The following DOCK5 variants were observed in gnomAD, a reference collection of about 807,000 sequenced individuals.
DOCK5 encodes dedicator of cytokinesis protein 5.
In DOCK5, 142 loss-of-function variants were observed where a neutral mutation model predicts 251.8. The observed-to-expected ratio is 0.56, with a 90% CI of 0.49 to 0.65. The LOEUF (loss-of-function observed/expected upper bound fraction) is 0.65, where lower values mean the gene tolerates loss of function less well. Ranked by LOEUF, DOCK5 falls within the 30% of genes least tolerant of loss-of-function variation. The pLI is 0.00. For synonymous variants in DOCK5, 842 were observed against 835.5 expected, an observed-to-expected ratio of 1.01 and a Z score of -0.13; for missense variants, 2,111 against 2,312.3, an observed-to-expected ratio of 0.91 and a Z score of 1.79.
At chr8:25,385,785 C>T (rs953582827) in intron 40 of DOCK5, among the ~76,000 whole-genome samples, 2 of 152,028 alleles carry the variant, frequency 1.3e-5, no homozygotes, top group Non-Finnish European at 2.9e-5. Context: ...CAGTAAGTAT[C>T]ATGGAGAAAA....
chr8:25,321,323 G>A (rs1302519078), intron 16 of DOCK5, among the ~76,000 whole-genome samples: 1 of 152,218 alleles, frequency 6.6e-6, no homozygotes, highest in African/African-American at 2.4e-5. Context: ...TGGCACCAGA[G>A]ACTGGTTTTG....
Position 25,369,658 on chromosome 8 carries a change from C to T in DOCK5, c.3524+17C>T, listed in dbSNP as rs201941050. On this transcript the variant is annotated intron_variant, in intron 34 of 51. Coordinates refer to ENST00000276440, the MANE Select transcript of DOCK5 (RefSeq NM_024940.8). ...GGAAAAACTGTGAGTATTTCAGGAACGAAACCTGAAGTCAGTGGTGTCATT... is the reference window on the plus strand; with the variant it reads ...GGAAAAACTGTGAGTATTTCAGGAATGAAACCTGAAGTCAGTGGTGTCATT... The T allele has an allele frequency of 1.0e-3, 1,602 of 1,589,850 alleles. 1 individual carries two copies. The highest frequency in any genetic ancestry group is 1.2e-3 in the Non-Finnish European group (1,374 of 1,166,452).
rs1380061571 is a variant in DOCK5 at position 25,395,615 on chromosome 8, C to G, written c.4600C>G (p.Gln1534Glu). ...CAACGAGAGGATCAGCAACTGTGTT[C>G]AGCAGCATGCCTGGGACCGGTCCCT... Reference protein sequence around the residue: ...LTNERISNCVQQHAWDRSLSV... With the variant: ...LTNERISNCVEQHAWDRSLSV... Residue 1534 changes from glutamine to glutamate, a missense_variant, in exon 45 of 52, where the codon CAG (glutamine) becomes GAG (glutamate). Physicochemically the swap from Gln to Glu is conservative, Grantham distance 29. This residue lies in a region of DOCK5 where 1,717 missense variants were observed against 1,892.4 expected (regional missense o/e 0.91). Coordinates refer to ENST00000276440, the MANE Select transcript of DOCK5 (RefSeq NM_024940.8). 1 of 1,613,668 alleles carries G rather than the reference C, an allele frequency of 6.2e-7. No individual in the cohort carries two copies. The highest frequency in any genetic ancestry group is 1.3e-5 in the African/African-American group (1 of 74,964).
chr8:25,288,607 A>G (rs899238514), intron 5 of DOCK5, among the ~76,000 whole-genome samples: 35 of 152,208 alleles, frequency 2.3e-4, no homozygotes, highest in Admixed American at 1.8e-3. Context: ...TTACCATATT[A>G]TGAGAAGCAA....
intron 27 of DOCK5, among the ~76,000 whole-genome samples, chr8:25,352,127 C>T (rs1485237947): frequency 6.7e-6 from 1 of 150,248 alleles, no homozygotes; most frequent in Non-Finnish European, 1.5e-5. Context: ...GTGGGAGGAT[C>T]ACTTAAACGT....
At chr8:25,205,427 C>G (rs1271427682) in intron 1 of DOCK5, among the ~76,000 whole-genome samples, 1 of 152,204 alleles carries the variant, frequency 6.6e-6, no homozygotes, top group African/African-American at 2.4e-5. Flanking sequence ...AAACACATTT[C>G]TGTTATTTAA....
intron 1 of DOCK5, among the ~76,000 whole-genome samples, chr8:25,215,806 C>G (rs751557871): frequency 5.9e-5 from 9 of 151,646 alleles, no homozygotes; most frequent in Non-Finnish European, 1.2e-4. Flanking sequence ...AAAGTGATAG[C>G]TATTAACTTT....
At position 25,392,811 on chromosome 8, in the gene DOCK5, C is replaced by G; in HGVS notation, c.4456C>G (p.Arg1486Gly). ...DNEFATMWIE[R>G]TTYTTAYTFP... ...TTGCCACCAGACGATGTGGATTGAACGGACCACGTATACGACTGCATATAC... is the reference window on the plus strand; with the variant it reads ...TTGCCACCAGACGATGTGGATTGAAGGGACCACGTATACGACTGCATATAC... Residue 1486 changes from arginine (R) to glycine (G), a missense_variant, in exon 44 of 52, where the codon CGG becomes GGG. Arg to Gly is a moderately radical substitution (Grantham distance 125). Around this residue, in one of 3 missense-constraint regions of DOCK5, gnomAD observed 1,717 missense variants for 1,892.4 expected, o/e 0.91. Transcript: ENST00000276440. 1 of 1,612,828 alleles carries G rather than the reference C, an allele frequency of 6.2e-7. No homozygotes were observed. Among genetic ancestry groups the G allele is most frequent in the African/African-American group, 1.3e-5 (1 of 75,032 alleles).
intron 35 of DOCK5, among the ~76,000 whole-genome samples, chr8:25,372,979 G>A (rs1328106608): frequency 6.6e-6 from 1 of 150,812 alleles, no homozygotes. Context: ...GTGGTTTCTG[G>A]TTACATGGAT....
chr8:25,388,053 C>G (rs1211668254), intron 40 of DOCK5, among the ~76,000 whole-genome samples: 1 of 152,114 alleles, frequency 6.6e-6, no homozygotes, highest in Non-Finnish European at 1.5e-5. Context: ...TCCAAAAGAT[C>G]CAGTAGTTTT....
intron 6 of DOCK5, among the ~76,000 whole-genome samples, chr8:25,295,131 A>T (rs982233548): frequency 6.6e-6 from 1 of 152,106 alleles, no homozygotes; most frequent in Non-Finnish European, 1.5e-5. Context: ...CTGTACATGC[A>T]TTATCTTATT....
chr8:25,268,244 G>A (rs1803815457), intron 2 of DOCK5, among the ~76,000 whole-genome samples: 1 of 151,968 alleles, frequency 6.6e-6, no homozygotes, highest in Non-Finnish European at 1.5e-5. Context: ...GTGGCGGGGG[G>A]ATGTTGCTTT....
chr8:25,372,495 T>C (rs2117286580), intron 34 of DOCK5, 64 bp from the exon 35 acceptor site: 5 of 1,496,400 alleles, frequency 3.3e-6, no homozygotes, highest in Middle Eastern at 2.1e-4. Flanking sequence ...TGGTCAGTGC[T>C]GGTCAGTGCT....
chr8:25,399,977 C>T lies in DOCK5; in HGVS notation c.4771C>T (p.Arg1591Ter), dbSNP rs764746624. Residue 1591 changes from arginine (R) to a stop codon, truncating the protein, a stop_gained, in exon 46 of 52, where the codon CGA becomes TGA. Transcript: ENST00000276440. LOFTEE classifies it high-confidence loss of function. ...EDQEKVELLK[R>*]LIALQMPLLT... is the part of the protein sequence containing the mutation. ...CCAGGAGAAGGTTGAGCTGCTAAAG[C>T]GACTAATAGCATTACAGGTACAGGA... 6.8e-6 allele frequency: 11 copies of T among 1,613,382 alleles called. No individual in the cohort carries two copies. The highest frequency in any genetic ancestry group is 1.3e-5 in the African/African-American group (1 of 74,866).
chr8:25,312,249 G>A (rs1805118856), intron 13 of DOCK5, among the ~76,000 whole-genome samples: 1 of 152,200 alleles, frequency 6.6e-6, no homozygotes, highest in East Asian at 1.9e-4. Context: ...CTACCTGAAG[G>A]TTGTTTTACT....
intron 27 of DOCK5, 117 bp from the exon 28 acceptor site, chr8:25,358,846 G>T (rs1045815031): frequency 3.6e-6 from 3 of 828,558 alleles, no homozygotes; most frequent in Non-Finnish European, 6.2e-6. Context: ...TTCCAGTGTG[G>T]TGGGATACCT....
chr8:25,285,517 CA>C (rs1804309252), intron 5 of DOCK5, among the ~76,000 whole-genome samples: 1 of 152,068 alleles, frequency 6.6e-6, no homozygotes, highest in Non-Finnish European at 1.5e-5. Context: ...AATTTGCCAG[CA>C]ATAAAGAACC....
chr8:25,394,902 TCCTGGAAGACAATTTTTCCATGGA>T (rs1801320249), intron 44 of DOCK5, among the ~76,000 whole-genome samples: 1 of 152,072 alleles, frequency 6.6e-6, no homozygotes, highest in Non-Finnish European at 1.5e-5. Context: ...GGGACTGCTT[TCCTGGAAGACAATTTTTCCATGGA>T]CCTGGGGTGG....
At chr8:25,187,366 G>T (rs1043494044) in intron 1 of DOCK5, among the ~76,000 whole-genome samples, 5 of 134,906 alleles carry the variant, frequency 3.7e-5, no homozygotes, top group South Asian at 4.8e-4. Flanking sequence ...GGTGGAAATT[G>T]TGTGTGTGTG....
Sources: gnomAD v4.1 joint callset for allele counts (sites outside exome capture counted in the v4.1 genomes callset) on GRCh38, gnomAD v4.1.1 for gene constraint, gnomAD v4.1.1 regional missense constraint, MANE v1.5 for transcripts, NCBI Gene and HGNC (gene_info 2026-07-23, HGNC 2026-07-21) for gene names.